TRPM6: variants seen among roughly 807,000 people sequenced by gnomAD.
TRPM6 encodes transient receptor potential cation channel subfamily M member 6.
Under a neutral mutation model 247.6 loss-of-function variants are expected in TRPM6, and 111 were observed. The observed-to-expected ratio is 0.45, with a 90% confidence interval of 0.38 to 0.52. The LOEUF is 0.52. Ranked by LOEUF, TRPM6 falls within the 20% of genes least tolerant of loss-of-function variation. TRPM6 has a pLI of 0.00. For missense variants in TRPM6, 2,126 were observed against 2,421.5 expected (o/e 0.88, Z 2.56); for synonymous variants, 892 against 853.8 (o/e 1.04, Z -0.78).
intron 23 of TRPM6, among the ~76,000 whole-genome samples, chr9:74,779,858 G>T (rs963485500): frequency 6.6e-6 from 1 of 152,198 alleles, no homozygotes; most frequent in Admixed American, 6.5e-5. Flanking sequence ...TGGGTCAGGG[G>T]AAGACTAGTG....
chr9:74,766,481 A>G (rs1409352310), intron 25 of TRPM6, among the ~76,000 whole-genome samples: 1 of 152,236 alleles, frequency 6.6e-6, no homozygotes, highest in Non-Finnish European at 1.5e-5. Context: ...TATAATTACA[A>G]TCATCATGAA....
intron 9 of TRPM6, among the ~76,000 whole-genome samples, chr9:74,819,878 G>A (rs906669650): frequency 1.3e-5 from 2 of 152,194 alleles, no homozygotes; most frequent in African/African-American, 4.8e-5. Flanking sequence ...AGCATGGAGA[G>A]TGCGGACAGC....
chr9:74,738,485 G>C lies in TRPM6; in HGVS notation c.5698C>G (p.Leu1900Val). 1.9e-6 allele frequency: 3 copies of C among 1,614,114 alleles called. No homozygotes were observed. Among genetic ancestry groups the C allele is most frequent in the Non-Finnish European group, 2.5e-6 (3 of 1,179,990 alleles). ...GAGAAAGCCAACATCAGCTCCTCCA[G>C]GGTGTTGGTGGGGGTGATTTCATCA... is the stretch of plus-strand genomic sequence containing the variant. ...NGDEITPTNT[L>V]EELMLAFSHW... The change falls in exon 36 of 39, where the codon CTG becomes GTG. Residue 1900 changes from leucine (L) to valine (V), a missense_variant. Leu to Val is a conservative substitution (Grantham distance 32, BLOSUM62 1). Around this residue, in one of 3 missense-constraint regions of TRPM6, gnomAD observed 327 missense variants for 397.7 expected, o/e 0.82. Transcript: ENST00000360774.
At chr9:74,724,828 G>C in intron 38 of TRPM6, 82 bp from the exon 39 acceptor site, 2 of 1,570,396 alleles carry the variant, frequency 1.3e-6, no homozygotes, top group Non-Finnish European at 1.7e-6. Flanking sequence ...TTTAGGCTTT[G>C]CCAAGTGTTC....
At chr9:74,860,362 T>G (rs1355540462) in intron 1 of TRPM6, among the ~76,000 whole-genome samples, 1 of 152,148 alleles carries the variant, frequency 6.6e-6, no homozygotes, top group Non-Finnish European at 1.5e-5. Context: ...TTATTTTTTT[T>G]GAGACGGAGT....
intron 33 of TRPM6, among the ~76,000 whole-genome samples, chr9:74,740,654 C>T (rs1825833214): frequency 1.3e-5 from 2 of 152,112 alleles, no homozygotes; most frequent in South Asian, 4.1e-4. Context: ...AAAGTTTTGA[C>T]AGTGTCTTGA....
At chr9:74,779,426 A>T (rs1234607257) in intron 23 of TRPM6, among the ~76,000 whole-genome samples, 1 of 152,244 alleles carries the variant, frequency 6.6e-6, no homozygotes, top group Non-Finnish European at 1.5e-5. Context: ...GCAGGAAGGT[A>T]TGTCTTCCCC....
chr9:74,797,155 A>C (rs1001481966), intron 17 of TRPM6, among the ~76,000 whole-genome samples: 1 of 152,220 alleles, frequency 6.6e-6, no homozygotes. Context: ...TGTCAACCTA[A>C]ATGTCTATCT....
In TRPM6 at chr9:74,821,708, T is replaced by C; in HGVS notation, c.971A>G (p.Asp324Gly). The C allele has an allele frequency of 1.9e-6, 3 of 1,613,948 alleles. No individual in the cohort carries two copies. Among genetic ancestry groups the C allele is most frequent in the Non-Finnish European group, 2.5e-6 (3 of 1,179,976 alleles). ...VVCEGTGRAA[D>G]LLAFTHKHLA... is the part of the protein sequence containing the mutation. ...GTGTTTGTGTGTGAAGGCCAGGAGG[T>C]CAGCCGCCCTACCTGTGCCCTCACA... Residue 324 changes from aspartate to glycine, a missense_variant, in exon 8 of 39, where the codon GAC becomes GGC. Transcript: ENST00000360774.
At chr9:74,729,267 G>A (rs936831908) in intron 37 of TRPM6, among the ~76,000 whole-genome samples, 3 of 152,148 alleles carry the variant, frequency 2.0e-5, no homozygotes, top group African/African-American at 7.2e-5. Context: ...AAAAAGAAAA[G>A]CAAACTATCA....
intron 2 of TRPM6, among the ~76,000 whole-genome samples, chr9:74,857,312 C>T (rs74656461): frequency 0.021 from 3,150 of 152,188 alleles, 106 homozygotes; most frequent in African/African-American, 0.07. Context: ...CTCCAAAGAA[C>T]TAGAATTTCA....
rs1825952807 is a variant in TRPM6 at position 74,744,075 on chromosome 9, T to C, written c.5134+20A>G. ...AGACATTTAGCTCAGCTGACATGTC[T>C]ATGTGCATATGCATCCTACCTGAAT... On this transcript the variant is annotated intron_variant, in intron 32 of 38. Transcript: ENST00000360774. 6.2e-7 allele frequency: 1 copy of C among 1,612,704 alleles called. No homozygotes were observed. Among genetic ancestry groups the C allele is most frequent in the African/African-American group, 1.3e-5 (1 of 74,930 alleles).
At chr9:74,802,758 T>G (rs1253057612) in intron 15 of TRPM6, among the ~76,000 whole-genome samples, 1 of 152,238 alleles carries the variant, frequency 6.6e-6, no homozygotes, top group East Asian at 1.9e-4. Context: ...TTTCCTTTAT[T>G]CTGATTATAT....
At chr9:74,797,489 T>C (rs1828140851) in intron 17 of TRPM6, among the ~76,000 whole-genome samples, 2 of 152,222 alleles carry the variant, frequency 1.3e-5, no homozygotes, top group African/African-American at 2.4e-5. Flanking sequence ...GTAAATGCTA[T>C]ATAAATAGTT....
At chr9:74,868,978 A>C (rs751494920) in intron 1 of TRPM6, among the ~76,000 whole-genome samples, 1 of 152,230 alleles carries the variant, frequency 6.6e-6, no homozygotes, top group East Asian at 1.9e-4. Context: ...GAAGGGAGAC[A>C]GTTTCTCAGT....
chr9:74,772,945 T>C (rs1398323282), intron 24 of TRPM6, among the ~76,000 whole-genome samples: 1 of 151,792 alleles, frequency 6.6e-6, no homozygotes, highest in African/African-American at 2.4e-5. Context: ...CCTATTAAAC[T>C]CTCAGCTCCT....
chr9:74,809,113 G>C (rs1828636853), intron 13 of TRPM6, among the ~76,000 whole-genome samples: 2 of 152,164 alleles, frequency 1.3e-5, no homozygotes, highest in Admixed American at 1.3e-4. Flanking sequence ...GCATACCTTA[G>C]AGATATTGCG....
chr9:74,841,516 T>TC (rs1829939230), intron 4 of TRPM6, among the ~76,000 whole-genome samples: 1 of 150,562 alleles, frequency 6.6e-6, no homozygotes, highest in Admixed American at 6.6e-5. Context: ...TTTTTTTTTT[T>TC]CTTTTTGAGA....
At chr9:74,884,921 A>G (rs1308109713) in intron 1 of TRPM6, among the ~76,000 whole-genome samples, 1 of 152,230 alleles carries the variant, frequency 6.6e-6, no homozygotes, top group East Asian at 1.9e-4. Flanking sequence ...AAAGTGAATC[A>G]GTCCCCAAAT....
Sources: allele counts gnomAD v4.1 joint callset (sites outside exome capture counted in the v4.1 genomes callset), GRCh38; gene constraint gnomAD v4.1.1; regional missense constraint gnomAD v4.1.1; transcripts MANE v1.5; gene names NCBI Gene and HGNC (gene_info 2026-07-23, HGNC 2026-07-21).